MYH11: variants seen among roughly 807,000 people sequenced by gnomAD.
MYH11 encodes the protein myosin-11.
A neutral mutation model predicts 246.6 loss-of-function variants in MYH11; 80 were observed. The observed-to-expected ratio is 0.32, with a 90% confidence interval of 0.27 to 0.39. The LOEUF (loss-of-function observed/expected upper bound fraction) is 0.39. Ranked by LOEUF, MYH11 falls within the 10% of genes least tolerant of loss-of-function variation. The pLI, the probability that MYH11 is intolerant of heterozygous loss-of-function variation, is 1.00. For synonymous variants in MYH11, 1,071 were observed against 1,015.5 expected (o/e 1.05, Z -1.04); for missense variants, 2,158 against 2,546.8 (o/e 0.85, Z 3.29).
chr16:15,844,443 C>T lies in MYH11; in HGVS notation c.-17-6174G>A, dbSNP rs538414501. Among the ~76,000 whole-genome samples the T allele has an allele frequency of 8.5e-5, 13 of 152,298 alleles. No homozygotes were observed. The East Asian group carries it at 1.9e-3, about 23-fold the overall frequency. On this transcript the variant is annotated intron_variant, in intron 1 of 40. Transcript: ENST00000300036. ...AAACTCCTGACCTCAGGTGATCTACCGGCCTTGGCCTCTCAAAGTGCTGAC... is the reference window on the plus strand; with the variant it reads ...AAACTCCTGACCTCAGGTGATCTACTGGCCTTGGCCTCTCAAAGTGCTGAC...
chr16:15,787,318 G>C (rs62030570), intron 4 of MYH11, among the ~76,000 whole-genome samples: 17,102 of 151,974 alleles, frequency 0.11, 1,151 homozygotes, highest in Admixed American at 0.14. Context: ...TGAGGTGGGA[G>C]GATGGCTTGA....
intron 26 of MYH11, among the ~76,000 whole-genome samples, chr16:15,733,771 G>C (rs1166025433): frequency 6.6e-6 from 1 of 152,104 alleles, no homozygotes; most frequent in Non-Finnish European, 1.5e-5. Context: ...TCGAACTCCT[G>C]ACCTCAGGTG....
At chr16:15,781,882 A>G (rs1273091280) in intron 6 of MYH11, among the ~76,000 whole-genome samples, 1 of 152,184 alleles carries the variant, frequency 6.6e-6, no homozygotes, top group East Asian at 1.9e-4. Flanking sequence ...GGTACATGTA[A>G]AAGTGCCTAC....
intron 40 of MYH11, among the ~76,000 whole-genome samples, chr16:15,708,520 A>G (rs1418831672): frequency 1.3e-5 from 2 of 152,218 alleles, no homozygotes; most frequent in Non-Finnish European, 2.9e-5. Context: ...AGCCTCTGCC[A>G]TCTCGTCAAG....
intron 5 of MYH11, chr16:15,784,604 A>G (rs1412854049): frequency 1.5e-6 from 2 of 1,370,102 alleles, no homozygotes; most frequent in East Asian, 4.6e-5. Flanking sequence ...TTCTACCACC[A>G]GCTACGGGAC....
At chr16:15,815,298 T>C (rs1362596398) in intron 3 of MYH11, among the ~76,000 whole-genome samples, 3 of 152,162 alleles carry the variant, frequency 2.0e-5, no homozygotes, top group African/African-American at 7.2e-5. Context: ...TTGGAGGAAA[T>C]AGACTCTGCA....
chr16:15,767,396 A>G (rs561436984), intron 9 of MYH11, among the ~76,000 whole-genome samples: 1 of 152,292 alleles, frequency 6.6e-6, no homozygotes, highest in Admixed American at 6.5e-5. Flanking sequence ...TAAAGAGTGG[A>G]AGCCACCTAT....
At chr16:15,833,531 C>T (rs182500722) in intron 2 of MYH11, among the ~76,000 whole-genome samples, 4 of 152,216 alleles carry the variant, frequency 2.6e-5, no homozygotes, top group Middle Eastern at 3.4e-3. Flanking sequence ...ATGCCACAAA[C>T]GGTCTTCAGC....
chr16:15,711,538 T>C (rs530281298), intron 40 of MYH11, among the ~76,000 whole-genome samples: 4 of 152,356 alleles, frequency 2.6e-5, no homozygotes, highest in African/African-American at 4.8e-5. Flanking sequence ...TTTGCCGTTA[T>C]ATTCATGTAT....
intron 10 of MYH11, 36 bp downstream of exon 10, chr16:15,763,760 C>CCCCCAAAAA: frequency 4.5e-5 from 54 of 1,191,938 alleles, no homozygotes; most frequent in Non-Finnish European, 5.9e-5. Flanking sequence ...CCCCCAACCC[C>CCCCCAAAAA]AAAGTCATTG....
rs1291306659 is a variant in MYH11, at chr16:15,787,499, T to TG, written c.531-768_531-767insC. ...TTATCTACTTTTTTTTTTTTTTTTT[T>TG]TTGAGATGGAGTCTCACTCTGTCCC... is the stretch of plus-strand genomic sequence containing the variant. On this transcript the variant is annotated intron_variant, in intron 4 of 40. Transcript: ENST00000300036. 7.1e-5 allele frequency among the ~76,000 whole-genome samples: 10 copies of TG among 141,604 alleles called. No homozygotes were observed. In the Admixed American group the frequency reaches 7.1e-4, roughly 10 times the overall value. The allele number at this position is 141,604 out of a possible 152,430, so 92.9% of individuals were successfully genotyped here.
Position 15,823,376 on chromosome 16 carries a change from G to A in MYH11, c.381C>T (p.Pro127=), listed in dbSNP as rs765679829. ...YSGLFCVVVN[P]YKHLPIYSEK... ...CCGAGTAGATGGGCAGGTGTTTATA[G>A]GGGTTGACCACCACGCAGAAGAGGC... The change falls in exon 3 of 41, where the codon CCC becomes CCT. Residue 127 remains proline, a synonymous_variant. Coordinates refer to ENST00000300036, the MANE Select transcript of MYH11 (RefSeq NM_002474.3). 5.6e-6 allele frequency: 9 copies of A among 1,614,028 alleles called. No homozygotes were observed. The South Asian group carries it at 6.6e-5, about 12-fold the overall frequency.
Position 15,721,028 on chromosome 16 carries a change from C to T in MYH11, c.4602G>A (p.Lys1534=), listed in dbSNP as rs777186791. 7 of 1,613,970 alleles carry T rather than the reference C, an allele frequency of 4.3e-6. No individual in the cohort carries two copies. In the Admixed American group the frequency reaches 5.0e-5, roughly 12 times the overall value. The change falls in exon 33 of 41, where the codon AAG becomes AAA. Residue 1534 remains lysine, a synonymous_variant. Coordinates refer to ENST00000300036, the MANE Select transcript of MYH11 (RefSeq NM_002474.3). ...CCTCCATCTGGGTCTCCAGGGCCCG[C>T]TTGGACTTCTCCAGCTCATGGACCT... ...GKNVHELEKS[K]RALETQMEEM...
At chr16:15,834,163 G>A (rs9925530) in intron 2 of MYH11, among the ~76,000 whole-genome samples, 3,906 of 152,096 alleles carry the variant, frequency 0.026, 167 homozygotes, top group African/African-American at 0.089. Context: ...ATACGTCTTA[G>A]ATGAAAGACC....
intron 40 of MYH11, chr16:15,708,949 G>A (rs1216796167): frequency 2.5e-6 from 3 of 1,185,266 alleles, no homozygotes; most frequent in Non-Finnish European, 3.7e-6. Flanking sequence ...AATAATTAAA[G>A]GCACTCTTTT....
intron 6 of MYH11, among the ~76,000 whole-genome samples, chr16:15,781,572 G>A (rs1000775405): frequency 3.9e-5 from 6 of 152,108 alleles, no homozygotes; most frequent in African/African-American, 1.2e-4. Context: ...GGAGACAACC[G>A]CTTCTTTTGC....
At chr16:15,727,134 CAGAG>C (rs2040806304) in intron 27 of MYH11, 80 bp from the exon 28 acceptor site, 5 of 1,311,522 alleles carry the variant, frequency 3.8e-6, no homozygotes, top group Non-Finnish European at 5.5e-6. Context: ...TTTCCTCCCT[CAGAG>C]AGGTCCAGGA....
chr16:15,715,403 G>C lies in MYH11; in HGVS notation c.5505-131C>G. 3.8e-6 allele frequency: 3 copies of C among 796,536 alleles called. No homozygotes were observed. The East Asian group carries it at 7.5e-5, about 20-fold the overall frequency. The allele number at this position is 796,536 out of a possible 1,614,324, so 49.3% of individuals were successfully genotyped here. On this transcript the variant is annotated intron_variant, in intron 38 of 40. Coordinates refer to ENST00000300036, the MANE Select transcript of MYH11 (RefSeq NM_002474.3). ...CTGGACTCCTCTCAAGAATCAGTCA[G>C]ATGGTGGAATAGTATTCAGCCATGA...
At position 15,750,550 on chromosome 16, in the gene MYH11, G is replaced by A. The variant is rs925290352; in HGVS notation, c.1865-219C>T. Among the ~76,000 whole-genome samples, 10 of 152,180 alleles carry A rather than the reference G, an allele frequency of 6.6e-5. No individual in the cohort carries two copies. The highest frequency in any genetic ancestry group is 1.9e-4 in the African/African-American group (8 of 41,442). On this transcript the variant is annotated intron_variant, in intron 15 of 40. Coordinates refer to ENST00000300036, the MANE Select transcript of MYH11 (RefSeq NM_002474.3). The surrounding 1 kb of genome is among the most constrained non-coding windows in gnomAD (Gnocchi z 4.3). The stretch of plus-strand genomic sequence containing the variant: ...AACAAATTCCCTGTGATGGAGTCAC[G>A]CTGACCTAGGAGTCAAGCCTGCTCT...
Sources: gnomAD v4.1 joint callset for allele counts (sites outside exome capture counted in the v4.1 genomes callset) on GRCh38, gnomAD v4.1.1 for gene constraint, Gnocchi (gnomAD v3.1) non-coding constraint, MANE v1.5 for transcripts, NCBI Gene and HGNC (gene_info 2026-07-23, HGNC 2026-07-21) for gene names.